The following POT1 variants were observed in gnomAD, a reference collection of about 807,000 sequenced individuals.
The protein encoded by POT1 is protection of telomeres protein 1.
Under a neutral mutation model 78.5 loss-of-function variants are expected in POT1, and 47 were observed. The observed-to-expected ratio is 0.60, with a 90% CI of 0.47 to 0.76. The LOEUF (loss-of-function observed/expected upper bound fraction) is 0.76. POT1 is among the 30% of genes least tolerant of loss of function. POT1 has a pLI of 0.00. For synonymous variants in POT1, 259 were observed against 260.7 expected (o/e 0.99, Z 0.06); for missense variants, 646 against 749.9 (o/e 0.86, Z 1.62).
chr7:124,926,247 A>AC (rs1797269531), intron 2 of POT1, among the ~76,000 whole-genome samples: 1 of 152,034 alleles, frequency 6.6e-6, no homozygotes, highest in South Asian at 2.1e-4. Context: ...CAACCAAAAA[A>AC]CCCCCAAATA....
At chr7:124,843,279 A>T (rs1028335041) in intron 12 of POT1, 1 of 179,000 alleles carries the variant, frequency 5.6e-6, no homozygotes, top group Non-Finnish European at 1.2e-5. Context: ...TACGCTAGGC[A>T]ACCGTTTAAG....
rs1423427005 is a variant in POT1 at position 124,929,815 on chromosome 7, AG to A, written c.-434del. On this transcript the variant is annotated 5_prime_UTR_variant, in exon 1 of 19. Coordinates refer to ENST00000357628, the MANE Select transcript of POT1 (RefSeq NM_015450.3). ...TCACCCGTACTCTAGAAAGAACCCTAGGAAGAGTTTAGGCGGGCGCGCAGGT... is the reference window on the plus strand; with the variant it reads ...TCACCCGTACTCTAGAAAGAACCCTAGAAGAGTTTAGGCGGGCGCGCAGGT... 6.6e-6 allele frequency: 1 copy of A among 152,270 alleles called. No individual in the cohort carries two copies. Among genetic ancestry groups the A allele is most frequent in the Non-Finnish European group, 1.5e-5 (1 of 68,078 alleles). The allele number at this position is 152,270 out of a possible 1,614,324, so 9.4% of individuals were successfully genotyped here.
intron 6 of POT1, among the ~76,000 whole-genome samples, chr7:124,882,979 T>C (rs941109754): frequency 1.3e-5 from 2 of 151,984 alleles, no homozygotes; most frequent in South Asian, 2.1e-4. Flanking sequence ...ATTGATAGAA[T>C]AGCTGGAAAA....
intron 6 of POT1, among the ~76,000 whole-genome samples, chr7:124,875,198 A>G (rs1795960303): frequency 6.6e-6 from 1 of 152,256 alleles, no homozygotes; most frequent in East Asian, 1.9e-4. Context: ...CAATTACCAT[A>G]TGGCTCTATT....
rs770069410 is a variant in POT1, at chr7:124,824,090, C to CA, written c.1793-17dup. The CA allele has an allele frequency of 1.3e-6, 2 of 1,497,034 alleles. No homozygotes were observed. Among genetic ancestry groups the CA allele is most frequent in the Admixed American group, 1.9e-5 (1 of 53,204 alleles). The allele number at this position is 1,497,034 out of a possible 1,614,324, so 92.7% of individuals were successfully genotyped here. The stretch of plus-strand genomic sequence containing the variant: ...GGATATGCATCTACAAAAACAAAAA[C>CA]AAAAAAAGCGATTTAACCATTAAAA... On this transcript the variant is annotated splice_polypyrimidine_tract_variant and intron_variant, in intron 18 of 18. Transcript: ENST00000357628.
At chr7:124,841,268 A>T (rs1795022279) in intron 13 of POT1, 90 bp from the exon 14 acceptor site, 1 of 1,001,108 alleles carries the variant, frequency 1.0e-6, no homozygotes, top group Non-Finnish European at 1.5e-6. Context: ...AAAAAGTATC[A>T]TTCTTACATG....
chr7:124,855,760 T>TC (rs1451907310), intron 9 of POT1, among the ~76,000 whole-genome samples: 2 of 151,924 alleles, frequency 1.3e-5, no homozygotes, highest in African/African-American at 2.4e-5. Flanking sequence ...TCATAAACGG[T>TC]CAAGAATTTC....
At chr7:124,828,968 G>A (rs1337177774) in intron 16 of POT1, 1 of 639,850 alleles carries the variant, frequency 1.6e-6, no homozygotes, top group Non-Finnish European at 3.0e-6. Flanking sequence ...AGCTCTGAAT[G>A]CCAAATTCTG....
intron 8 of POT1, among the ~76,000 whole-genome samples, chr7:124,862,621 TA>T (rs1562992864): frequency 6.6e-6 from 1 of 152,186 alleles, no homozygotes; most frequent in African/African-American, 2.4e-5. Flanking sequence ...TAAATCATAA[TA>T]ATGCTAAACT....
intron 14 of POT1, 166 bp downstream of exon 14, chr7:124,840,807 T>C: frequency 2.0e-6 from 1 of 500,414 alleles, no homozygotes; most frequent in Non-Finnish European, 3.5e-6. Context: ...AACGTGTGCT[T>C]ATATATATTT....
chr7:124,892,212 C>A (rs1412330288), intron 6 of POT1, 54 bp downstream of exon 6: 1 of 1,120,900 alleles, frequency 8.9e-7, no homozygotes, highest in African/African-American at 1.7e-5. Flanking sequence ...AACCGTGTTC[C>A]TAAATCAATA....
chr7:124,839,628 C>T (rs904965324), intron 14 of POT1, among the ~76,000 whole-genome samples: 12 of 152,180 alleles, frequency 7.9e-5, no homozygotes, highest in Admixed American at 7.2e-4. Flanking sequence ...AAATAGCTCA[C>T]ATTTCTTATA....
chr7:124,915,773 C>G (rs1283257270), intron 2 of POT1, 127 bp from the exon 3 acceptor site: 2 of 152,112 alleles, frequency 1.3e-5, no homozygotes, highest in East Asian at 3.9e-4. Flanking sequence ...GTACTGTGTT[C>G]AAGTAACTAT....
intron 2 of POT1, among the ~76,000 whole-genome samples, chr7:124,923,078 A>G (rs766322252): frequency 6.6e-6 from 1 of 151,918 alleles, no homozygotes; most frequent in Non-Finnish European, 1.5e-5. Flanking sequence ...AGATGCACAG[A>G]TATCAAAGGA....
At chr7:124,862,413 C>T (rs905708017) in intron 8 of POT1, among the ~76,000 whole-genome samples, 5 of 152,132 alleles carry the variant, frequency 3.3e-5, no homozygotes, top group African/African-American at 7.2e-5. Flanking sequence ...GACCTAGATT[C>T]GCTCTAAGTT....
intron 3 of POT1, among the ~76,000 whole-genome samples, chr7:124,905,847 C>T (rs1369923350): frequency 6.6e-6 from 1 of 152,136 alleles, no homozygotes; most frequent in Non-Finnish European, 1.5e-5. Context: ...TGACATTTGT[C>T]AAAAGAAGAC....
chr7:124,903,148 T>G (rs1796666199), intron 3 of POT1, among the ~76,000 whole-genome samples: 1 of 152,210 alleles, frequency 6.6e-6, no homozygotes, highest in Non-Finnish European at 1.5e-5. Flanking sequence ...TATCCAGGAC[T>G]TGAACTCGGC....
chr7:124,834,552 T>G (rs1185854279), intron 15 of POT1, among the ~76,000 whole-genome samples: 1 of 151,754 alleles, frequency 6.6e-6, no homozygotes. Flanking sequence ...AGATACCATC[T>G]CACGCCACTT....
rs777531058 is a variant in POT1, at chr7:124,863,323, T to C, written c.546+27A>G. The C allele has an allele frequency of 2.9e-5, 46 of 1,588,020 alleles. No individual in the cohort carries two copies. Among genetic ancestry groups the C allele is most frequent in the Non-Finnish European group, 3.4e-5 (40 of 1,167,038 alleles). On this transcript the variant is annotated intron_variant, in intron 8 of 18. Transcript: ENST00000357628. ...CAGACATGTAAGTGGTGCTAACTTA[T>C]AATTCCCAGTATTAAAAAATATGTA...
Sources: gnomAD v4.1 joint callset for allele counts (sites outside exome capture counted in the v4.1 genomes callset) on GRCh38, gnomAD v4.1.1 for gene constraint, MANE v1.5 for transcripts, NCBI Gene and HGNC (gene_info 2026-07-23, HGNC 2026-07-21) for gene names.